The following EDA variants were observed in gnomAD, a reference collection of about 807,000 sequenced individuals.
The protein encoded by EDA is ectodysplasin A, also known as ectodysplasin-A.
EDA carries 2 observed loss-of-function variants against 23.6 expected under a neutral mutation model. That is an observed-to-expected ratio of 0.08 (90% CI 0.03 to 0.27). The LOEUF is 0.27. EDA is among the 10% of genes least tolerant of loss of function. The probability of loss-of-function intolerance (pLI) is 1.00; values close to 1 mark genes in which losing one functional copy is unlikely to be tolerated. For missense variants in EDA, 229 were observed against 324.2 expected (o/e 0.71, Z 2.26); for synonymous variants, 131 against 132.0 (o/e 0.99, Z 0.05).
chrX:69,642,929 A>C (rs1932856885), intron 1 of EDA, among the ~76,000 whole-genome samples: 1 of 111,727 alleles, frequency 9.0e-6, no homozygotes, highest in Admixed American at 9.6e-5. Flanking sequence ...ATTTTGAGAA[A>C]ATACTATAAG....
Position 69,694,042 on chromosome X carries a change from T to C in EDA, c.396+77338T>C, listed in dbSNP as rs913077647. Among the ~76,000 whole-genome samples, 5 of 111,883 alleles carry C rather than the reference T, an allele frequency of 4.5e-5. 1 individual carries two copies. Among genetic ancestry groups the C allele is most frequent in the Non-Finnish European group, 9.4e-5 (5 of 53,161 alleles). On this transcript the variant is annotated intron_variant, in intron 1 of 7. Transcript: ENST00000374552. ...CAAAGCAAACATTGGTTATAAACCA[T>C]TTTGGCAATTTAAAAATAGTCCCCA...
chrX:69,678,459 T>G (rs1377601701), intron 1 of EDA, among the ~76,000 whole-genome samples: 6 of 111,992 alleles, frequency 5.4e-5, no homozygotes, highest in Non-Finnish European at 3.8e-5. Context: ...CATAAGCATG[T>G]AATGTTCTTC....
At chrX:70,000,024 A>G (rs1239897316) in intron 2 of EDA, among the ~76,000 whole-genome samples, 2 of 112,045 alleles carry the variant, frequency 1.8e-5, no homozygotes, top group African/African-American at 6.5e-5. Context: ...GCATTTAATA[A>G]AAATCTAACA....
chrX:69,703,235 C>T (rs2011586676), intron 1 of EDA, among the ~76,000 whole-genome samples: 2 of 111,520 alleles, frequency 1.8e-5, no homozygotes, highest in Non-Finnish European at 3.8e-5. Flanking sequence ...CCGGAGAAAC[C>T]AAGAGAGGCC....
At chrX:69,672,608 G>C (rs776396761) in intron 1 of EDA, 2 of 112,238 alleles carry the variant, frequency 1.8e-5, no homozygotes, top group Admixed American at 1.9e-4. Flanking sequence ...TTGGCCGGGC[G>C]TGGTGGCTCA....
intron 1 of EDA, among the ~76,000 whole-genome samples, chrX:69,668,878 A>G (rs1234097682): frequency 9.2e-6 from 1 of 109,063 alleles, no homozygotes; most frequent in Non-Finnish European, 1.9e-5. Flanking sequence ...GAAGTTCCCT[A>G]CTATTATTGT....
intron 1 of EDA, among the ~76,000 whole-genome samples, chrX:69,656,929 T>C (rs1329195925): frequency 1.8e-5 from 2 of 112,249 alleles, no homozygotes; most frequent in African/African-American, 3.2e-5. Flanking sequence ...GTCCATGTCT[T>C]AGCTATTGTG....
Position 70,002,883 on chromosome X carries a change from G to A in EDA, c.503-20335G>A, listed in dbSNP as rs755492885. Among the ~76,000 whole-genome samples, 15 of 111,927 alleles carry A rather than the reference G, an allele frequency of 1.3e-4. No homozygotes were observed. In the South Asian group the frequency reaches 5.6e-3, roughly 42 times the overall value. ...AGAGAGTGACAATTATGGGGTCAAGGACCAGAGAAAGCAATTGTTATACAG... is the reference window on the plus strand; with the variant it reads ...AGAGAGTGACAATTATGGGGTCAAGAACCAGAGAAAGCAATTGTTATACAG... On this transcript the variant is annotated intron_variant, in intron 2 of 7. Coordinates refer to ENST00000374552, the MANE Select transcript of EDA (RefSeq NM_001399.5).
At chrX:69,787,428 A>C (rs182591445) in intron 1 of EDA, among the ~76,000 whole-genome samples, 138 of 106,217 alleles carry the variant, frequency 1.3e-3, no homozygotes, top group African/African-American at 4.5e-3. Flanking sequence ...GGTGGCTGGT[A>C]CCGGTTGTTC....
chrX:69,873,454 C>G (rs1157436783), intron 1 of EDA, among the ~76,000 whole-genome samples: 1 of 111,670 alleles, frequency 9.0e-6, no homozygotes, highest in East Asian at 2.8e-4. Context: ...ATAAATGAAA[C>G]AAAAAGCTGG....
At chrX:69,817,915 G>T (rs1485786769) in intron 1 of EDA, among the ~76,000 whole-genome samples, 1 of 111,749 alleles carries the variant, frequency 8.9e-6, no homozygotes, top group East Asian at 2.8e-4. Flanking sequence ...AAACAACAGA[G>T]TATACATTCT....
chrX:69,789,795 A>G (rs1429167705), intron 1 of EDA, among the ~76,000 whole-genome samples: 1 of 112,246 alleles, frequency 8.9e-6, no homozygotes, highest in Non-Finnish European at 1.9e-5. Flanking sequence ...TCATGGCCTC[A>G]AAAAGTAGAT....
rs781680455 is a variant in EDA at position 70,035,633 on chromosome X, C to A, written c.*24C>A. On this transcript the variant is annotated 3_prime_UTR_variant, in exon 8 of 8. Coordinates refer to ENST00000374552, the MANE Select transcript of EDA (RefSeq NM_001399.5). ...AGATTCCCCCCATTTTGCCTCTGTC[C>A]GTGCCCCTTCCCTGGGTTTGGGAGC... 1 of 1,201,226 alleles carries A rather than the reference C, an allele frequency of 8.3e-7. No homozygotes were observed. Among genetic ancestry groups the A allele is most frequent in the Non-Finnish European group, 1.1e-6 (1 of 892,725 alleles).
chrX:69,925,783 CTT>C (rs147114575), intron 1 of EDA, among the ~76,000 whole-genome samples: 2,342 of 82,539 alleles, frequency 0.028, 81 homozygotes, highest in African/African-American at 0.099. Flanking sequence ...TGGTCCTGGG[CTT>C]TTTTTTTTTT....
At chrX:70,020,030 T>C (rs1369485858) in intron 2 of EDA, among the ~76,000 whole-genome samples, 1 of 111,964 alleles carries the variant, frequency 8.9e-6, no homozygotes, top group Non-Finnish European at 1.9e-5. Context: ...ACCAGATTAA[T>C]TGTAGATTTA....
chrX:69,663,281 G>A (rs1376100800), intron 1 of EDA, among the ~76,000 whole-genome samples: 2 of 111,830 alleles, frequency 1.8e-5, no homozygotes, highest in African/African-American at 6.5e-5. Context: ...CGTGAGCCTG[G>A]GTCCAGGGAT....
At chrX:69,705,970 C>G (rs1056550842) in intron 1 of EDA, among the ~76,000 whole-genome samples, 4 of 111,940 alleles carry the variant, frequency 3.6e-5, no homozygotes, top group African/African-American at 9.7e-5. Flanking sequence ...AGAAAATCAC[C>G]TTAAACAAAG....
At chrX:69,915,649 C>T (rs1472460827) in intron 1 of EDA, among the ~76,000 whole-genome samples, 1 of 109,940 alleles carries the variant, frequency 9.1e-6, no homozygotes, top group Non-Finnish European at 1.9e-5. Context: ...TTATTGAGTG[C>T]CTACTCTGCA....
intron 1 of EDA, among the ~76,000 whole-genome samples, chrX:69,732,371 G>T (rs1235030671): frequency 1.8e-5 from 2 of 111,621 alleles, no homozygotes; most frequent in Non-Finnish European, 3.8e-5. Flanking sequence ...TGTCCTTGCA[G>T]TAGTTTGCTC....
Sources: allele counts gnomAD v4.1 joint callset (sites outside exome capture counted in the v4.1 genomes callset), GRCh38; gene constraint gnomAD v4.1.1; transcripts MANE v1.5; gene names NCBI Gene and HGNC (gene_info 2026-07-23, HGNC 2026-07-21).